The following MDN1 variants were observed in gnomAD, a reference collection of about 807,000 sequenced individuals.
The protein encoded by MDN1 is midasin.
Under a neutral mutation model 669.2 loss-of-function variants are expected in MDN1, and 266 were observed. The ratio of observed to expected loss-of-function variants is 0.40; its 90% CI spans 0.36 to 0.44. The LOEUF is 0.44. MDN1 is among the 20% of genes least tolerant of loss of function. The pLI, the probability that MDN1 is intolerant of heterozygous loss-of-function variation, is 1.00. For synonymous variants in MDN1, 2,385 were observed against 2,457.1 expected, an observed-to-expected ratio of 0.97 and a Z score of 0.87; for missense variants, 5,940 against 6,754.0, an observed-to-expected ratio of 0.88 and a Z score of 4.22.
intron 90 of MDN1, among the ~76,000 whole-genome samples, chr6:89,657,320 T>A (rs919241253): frequency 6.6e-6 from 1 of 152,200 alleles, no homozygotes; most frequent in African/African-American, 2.4e-5. Context: ...ATATAAATGG[T>A]TGTTATTGTC....
intron 10 of MDN1, 48 bp from the exon 11 acceptor site, chr6:89,780,341 C>T (rs1818602628): frequency 8.5e-7 from 1 of 1,172,682 alleles, no homozygotes. Flanking sequence ...GACCACAGGC[C>T]AAAGACATCA....
chr6:89,815,388 G>A (rs1346861849), intron 1 of MDN1: 2 of 417,398 alleles, frequency 4.8e-6, no homozygotes. Context: ...TCATGACTGA[G>A]GAAGTGCCCT....
chr6:89,652,164 A>T, intron 95 of MDN1, 28 bp downstream of exon 95: 1 of 1,580,820 alleles, frequency 6.3e-7, no homozygotes, highest in Non-Finnish European at 8.6e-7. Flanking sequence ...GAGATATTTT[A>T]TGAAAAAAAC....
chr6:89,658,706 G>A lies in MDN1; in HGVS notation c.14925C>T (p.His4975=), dbSNP rs766125611. 2.5e-6 allele frequency: 4 copies of A among 1,614,178 alleles called. No homozygotes were observed. Among genetic ancestry groups the A allele is most frequent in the Non-Finnish European group, 3.4e-6 (4 of 1,180,018 alleles). Residue 4975 remains histidine, a synonymous_variant, in exon 89 of 102, where the codon CAC becomes CAT. Coordinates refer to ENST00000369393, the MANE Select transcript of MDN1 (RefSeq NM_014611.3). ...CCACAGACTGCTGCTGCTCCTCAGA[G>A]TGTTCTTCAGGATGCTGAGCAGCAT... ...DGDAAQHPEE[H]SEEQQQSVEE...
Position 89,743,621 on chromosome 6 carries a change from G to A in MDN1, c.4272C>T (p.Asp1424=), listed in dbSNP as rs1309570709. The A allele has an allele frequency of 6.2e-7, 1 of 1,614,046 alleles. No homozygotes were observed. Among genetic ancestry groups the A allele is most frequent in the Non-Finnish European group, 8.5e-7 (1 of 1,179,986 alleles). ...TCACTGGCCGCAGGCCACCCAGGAA[G>A]TCTGATGTCTCCATGTGTAAGTGGC... ...VSCHLHMETS[D]FLGGLRPVRQ... Residue 1424 remains aspartate, a synonymous_variant, in exon 30 of 102, where the codon GAC becomes GAT. Coordinates refer to ENST00000369393, the MANE Select transcript of MDN1 (RefSeq NM_014611.3).
intron 36 of MDN1, among the ~76,000 whole-genome samples, chr6:89,728,607 G>A (rs527758885): frequency 2.0e-5 from 3 of 152,278 alleles, no homozygotes; most frequent in Admixed American, 2.0e-4. Flanking sequence ...AAGGCAGGTG[G>A]ATCACTTGAC....
At chr6:89,675,948 T>C (rs59718685) in intron 77 of MDN1, among the ~76,000 whole-genome samples, 154 bp downstream of exon 77, 2 of 152,332 alleles carry the variant, frequency 1.3e-5, no homozygotes, top group African/African-American at 4.8e-5. Flanking sequence ...CAAAATTACA[T>C]TGATTTATAT....
chr6:89,704,768 G>T (rs1197753689), intron 53 of MDN1, among the ~76,000 whole-genome samples: 2 of 152,146 alleles, frequency 1.3e-5, no homozygotes, highest in Non-Finnish European at 2.9e-5. Flanking sequence ...TTTTAGTAGA[G>T]ATGGGGTTTC....
intron 15 of MDN1, among the ~76,000 whole-genome samples, chr6:89,763,241 C>CTTGTG (rs1817642471): frequency 2.0e-5 from 3 of 150,150 alleles, no homozygotes; most frequent in African/African-American, 7.4e-5. Flanking sequence ...AAATTAAACA[C>CTTGTG]AGCCCACACA....
rs571090067 is a variant in MDN1 at position 89,718,886 on chromosome 6, C to T, written c.6202G>A (p.Ala2068Thr). The T allele has an allele frequency of 8.7e-6, 14 of 1,614,140 alleles. No individual in the cohort carries two copies. Among genetic ancestry groups the T allele is most frequent in the Non-Finnish European group, 1.2e-5 (14 of 1,180,022 alleles). ...ACCAGGCTGGTCTTGCCCACAGAGG[C>T]TGGCCCGACCAGGATGACCATCCAG... is the stretch of plus-strand genomic sequence containing the variant. The part of the protein sequence containing the change: ...MSWMVILVGP[A>T]SVGKTSLVQL... Residue 2068 changes from alanine (A) to threonine (T), a missense_variant, in exon 42 of 102, where the codon GCC becomes ACC. Physicochemically the swap from Ala to Thr is moderately conservative, Grantham distance 58. Transcript: ENST00000369393.
chr6:89,706,348 C>T (rs1316415174), intron 52 of MDN1, among the ~76,000 whole-genome samples, 156 bp from the exon 53 acceptor site: 2 of 152,124 alleles, frequency 1.3e-5, no homozygotes, highest in East Asian at 1.9e-4. Context: ...TTGCCTACTA[C>T]AGGTTGAGTG....
intron 1 of MDN1, among the ~76,000 whole-genome samples, chr6:89,813,406 C>G (rs894544728): frequency 3.3e-5 from 5 of 152,030 alleles, no homozygotes; most frequent in Admixed American, 3.3e-4. Flanking sequence ...AAAAAATTAG[C>G]TGGGCATGGT....
At chr6:89,669,966 A>C (rs1281269733) in intron 83 of MDN1, among the ~76,000 whole-genome samples, 2 of 151,414 alleles carry the variant, frequency 1.3e-5, no homozygotes, top group African/African-American at 4.9e-5. Context: ...GCACTTTGGG[A>C]GGCCGAGGTG....
At chr6:89,774,972 A>G (rs1818282805) in intron 12 of MDN1, among the ~76,000 whole-genome samples, 1 of 152,200 alleles carries the variant, frequency 6.6e-6, no homozygotes, top group South Asian at 2.1e-4. Flanking sequence ...CCCTACCTAT[A>G]TATGGAGTGA....
chr6:89,792,747 A>C (rs1407458633), intron 5 of MDN1, among the ~76,000 whole-genome samples: 1 of 151,944 alleles, frequency 6.6e-6, no homozygotes, highest in African/African-American at 2.4e-5. Context: ...AACTTATTCC[A>C]AGAAGAAAAG....
chr6:89,704,066 G>C lies in MDN1; in HGVS notation c.8148+1993C>G, dbSNP rs139635037. 6.1e-3 allele frequency among the ~76,000 whole-genome samples: 919 copies of C among 151,142 alleles called. 9 individuals carry two copies. The highest frequency in any genetic ancestry group is 0.02 in the African/African-American group (828 of 41,164). Reference sequence around the variant, plus strand: ...TATATGTTGCCATGATAAAATTTCAGCTTTTAAGCAAAACTTAGAATTCTG... The same window carrying C: ...TATATGTTGCCATGATAAAATTTCACCTTTTAAGCAAAACTTAGAATTCTG... On this transcript the variant is annotated intron_variant, in intron 53 of 101. Transcript: ENST00000369393.
At chr6:89,756,185 G>A (rs1817234218) in intron 20 of MDN1, 92 bp downstream of exon 20, 2 of 577,668 alleles carry the variant, frequency 3.5e-6, no homozygotes, top group Non-Finnish European at 3.0e-6. Flanking sequence ...CAAGTTAGAA[G>A]TAAAAAAGAA....
At chr6:89,681,184 T>C (rs1811591489) in intron 73 of MDN1, among the ~76,000 whole-genome samples, 1 of 152,162 alleles carries the variant, frequency 6.6e-6, no homozygotes, top group Admixed American at 6.5e-5. Context: ...TCTTTCCTTT[T>C]TTTTTTTGAG....
At position 89,658,704 on chromosome 6, in the gene MDN1, G is replaced by A; in HGVS notation, c.14927C>T (p.Ser4976Phe). The change falls in exon 89 of 102, where the codon TCT becomes TTT. Residue 4976 changes from serine (S) to phenylalanine (F), a missense_variant. By Grantham distance (155) the Ser-to-Phe change is radical. Around this residue, in one of 5 missense-constraint regions of MDN1, gnomAD observed 2,280 missense variants for 2,576.3 expected, o/e 0.88. Coordinates refer to ENST00000369393, the MANE Select transcript of MDN1 (RefSeq NM_014611.3). ...CTCCACAGACTGCTGCTGCTCCTCAGAGTGTTCTTCAGGATGCTGAGCAGC... is the reference window on the plus strand; with the variant it reads ...CTCCACAGACTGCTGCTGCTCCTCAAAGTGTTCTTCAGGATGCTGAGCAGC... ...GDAAQHPEEH[S>F]EEQQQSVEEK... is the part of the protein sequence containing the mutation. The A allele has an allele frequency of 6.2e-7, 1 of 1,614,166 alleles. No individual in the cohort carries two copies. The highest frequency in any genetic ancestry group is 1.1e-5 in the South Asian group (1 of 91,076).
Sources: gnomAD v4.1 joint callset for allele counts (sites outside exome capture counted in the v4.1 genomes callset) on GRCh38, gnomAD v4.1.1 for gene constraint, gnomAD v4.1.1 regional missense constraint, MANE v1.5 for transcripts, NCBI Gene and HGNC (gene_info 2026-07-23, HGNC 2026-07-21) for gene names.